The following TMEM132B variants were observed in gnomAD, a reference collection of about 807,000 sequenced individuals.
The protein encoded by TMEM132B is transmembrane protein 132B.
A neutral mutation model predicts 90.8 loss-of-function variants in TMEM132B; 18 were observed. The ratio of observed to expected loss-of-function variants is 0.20; its 90% CI spans 0.14 to 0.29. The LOEUF is 0.29. TMEM132B is among the 10% of genes least tolerant of loss of function. The pLI, the probability that TMEM132B is intolerant of heterozygous loss-of-function variation, is 1.00. For missense variants in TMEM132B, 1,096 were observed against 1,326.8 expected (o/e 0.83, Z 2.70); for synonymous variants, 504 against 523.3 (o/e 0.96, Z 0.50).
intron 4 of TMEM132B, among the ~76,000 whole-genome samples, chr12:125,529,742 A>G (rs767995623): frequency 7.9e-5 from 12 of 152,228 alleles, no homozygotes; most frequent in South Asian, 2.1e-4. Context: ...GGAGCAGTCT[A>G]TGTCTTGTCT....
At chr12:125,589,315 T>C (rs1885258954) in intron 5 of TMEM132B, among the ~76,000 whole-genome samples, 1 of 151,742 alleles carries the variant, frequency 6.6e-6, no homozygotes, top group Non-Finnish European at 1.5e-5. Flanking sequence ...ACCCTGTCTC[T>C]ACTAAAAATA....
At chr12:125,623,711 A>G (rs1266418306) in intron 5 of TMEM132B, among the ~76,000 whole-genome samples, 1 of 152,194 alleles carries the variant, frequency 6.6e-6, no homozygotes, top group Non-Finnish European at 1.5e-5. Context: ...TATTTTGCAG[A>G]TGAGTCAGTC....
chr12:125,379,836 G>A (rs750296942), intron 2 of TMEM132B, among the ~76,000 whole-genome samples: 1 of 152,174 alleles, frequency 6.6e-6, no homozygotes, highest in South Asian at 2.1e-4. Context: ...ATGAAGCAAG[G>A]ACATTTCCAA....
At position 125,350,303 on chromosome 12, in the gene TMEM132B, T is replaced by G. The variant is rs745972126; in HGVS notation, c.919T>G (p.Ser307Ala). 5.0e-6 allele frequency: 8 copies of G among 1,613,604 alleles called. No individual in the cohort carries two copies. The South Asian group carries it at 8.8e-5, about 18-fold the overall frequency. The part of the protein sequence containing the change: ...REGDTATFLV[S>A]LTSSSVADQF... Reference sequence around the variant, plus strand: ...AGGGGACACGGCCACCTTTTTGGTCTCTCTGACCAGTAGCTCTGTGGCAGA... The same window carrying G: ...AGGGGACACGGCCACCTTTTTGGTCGCTCTGACCAGTAGCTCTGTGGCAGA... The change falls in exon 2 of 9, where the codon TCT becomes GCT. Residue 307 changes from serine to alanine, a missense_variant. Coordinates refer to ENST00000682704, the MANE Select transcript of TMEM132B (RefSeq NM_001366854.1).
Position 125,505,178 on chromosome 12 carries a change from A to AC in TMEM132B, c.1107-14261_1107-14260insC, listed in dbSNP as rs1169297331. ...ACACACCAGAGGACAAAAAAAAAAA[A>AC]AAAAAAAAAAAAAAAAACAGTAAGT... On this transcript the variant is annotated intron_variant, in intron 3 of 8. Coordinates refer to ENST00000682704, the MANE Select transcript of TMEM132B (RefSeq NM_001366854.1). Among the ~76,000 whole-genome samples the AC allele has an allele frequency of 5.9e-4, 84 of 141,258 alleles. 2 individuals are homozygous for AC. The highest frequency in any genetic ancestry group is 9.1e-4 in the Admixed American group (12 of 13,224). 92.7% of individuals were successfully genotyped at this position (141,258 alleles called of 152,430 possible).
intron 1 of TMEM132B, among the ~76,000 whole-genome samples, chr12:125,282,030 A>G (rs1159821799): frequency 2.2e-5 from 1 of 44,894 alleles, no homozygotes; most frequent in African/African-American, 1.2e-4. Context: ...TCCGTCTCAA[A>G]AAAAAAAAAA....
chr12:125,244,788 G>A (rs1054664889), intron 1 of TMEM132B, among the ~76,000 whole-genome samples: 4 of 152,162 alleles, frequency 2.6e-5, no homozygotes, highest in South Asian at 2.1e-4. Context: ...GTTGCAGGAT[G>A]GCTTTACTAT....
At chr12:125,319,600 C>T (rs576302387) in intron 1 of TMEM132B, among the ~76,000 whole-genome samples, 1 of 152,226 alleles carries the variant, frequency 6.6e-6, no homozygotes, top group Non-Finnish European at 1.5e-5. Context: ...CACTGACTCT[C>T]TGGTTCCCCT....
chr12:125,525,652 T>C (rs12814129), intron 4 of TMEM132B, among the ~76,000 whole-genome samples: 36,558 of 152,142 alleles, frequency 0.24, 4,688 homozygotes, highest in African/African-American at 0.27. Flanking sequence ...TTGTTGTAGC[T>C]GGACAGAAGA....
chr12:125,231,264 A>G (rs1165269140), intron 1 of TMEM132B, among the ~76,000 whole-genome samples: 1 of 151,720 alleles, frequency 6.6e-6, no homozygotes, highest in Non-Finnish European at 1.5e-5. Flanking sequence ...TCCTCTTCTC[A>G]TAAGGACCCC....
intron 3 of TMEM132B, among the ~76,000 whole-genome samples, chr12:125,503,427 G>C (rs1248577997): frequency 6.6e-6 from 1 of 152,200 alleles, no homozygotes; most frequent in Non-Finnish European, 1.5e-5. Flanking sequence ...CCAATTAGTG[G>C]TCTTTTTTCT....
intron 5 of TMEM132B, among the ~76,000 whole-genome samples, chr12:125,623,767 C>T (rs534680701): frequency 1.3e-5 from 2 of 152,336 alleles, no homozygotes; most frequent in South Asian, 2.1e-4. Context: ...CTCTCTGACT[C>T]ACTTTGTGTC....
rs1244447974 is a variant in TMEM132B at position 125,492,912 on chromosome 12, T to C, written c.1107-26527T>C. Among the ~76,000 whole-genome samples, 2 of 152,152 alleles carry C rather than the reference T, an allele frequency of 1.3e-5. No individual in the cohort carries two copies. Among genetic ancestry groups the C allele is most frequent in the East Asian group, 1.9e-4 (1 of 5,178 alleles). On this transcript the variant is annotated intron_variant, in intron 3 of 8. Transcript: ENST00000682704. This position sits in a 1 kb window ranked among gnomAD's most constrained non-coding sequence, Gnocchi z 5.8. The stretch of plus-strand genomic sequence containing the variant: ...GGAGATGAAAATAAACCCGTGAAGA[T>C]AGATAACTATCTAAGGACGAATGGC...
chr12:125,495,012 C>T (rs1463757882), intron 3 of TMEM132B, among the ~76,000 whole-genome samples: 10 of 117,564 alleles, frequency 8.5e-5, no homozygotes, highest in Admixed American at 1.6e-4. Context: ...CCTCCCTCTC[C>T]TCCCTGGAAG....
intron 1 of TMEM132B, among the ~76,000 whole-genome samples, chr12:125,280,749 A>G (rs1438649855): frequency 1.3e-5 from 2 of 152,256 alleles, no homozygotes; most frequent in Non-Finnish European, 2.9e-5. Flanking sequence ...CAGGGCAGAT[A>G]GTACAACTCT....
chr12:125,267,944 C>T (rs1329372027), intron 1 of TMEM132B, among the ~76,000 whole-genome samples: 2 of 152,116 alleles, frequency 1.3e-5, no homozygotes, highest in Non-Finnish European at 2.9e-5. Flanking sequence ...GCTCTCTACT[C>T]TAAAGGCTGC....
chr12:125,365,255 G>A (rs2136258801), intron 2 of TMEM132B, among the ~76,000 whole-genome samples: 1 of 151,794 alleles, frequency 6.6e-6, no homozygotes, highest in South Asian at 2.1e-4. Flanking sequence ...CCATATACAT[G>A]CTTAACTTTT....
chr12:125,577,461 A>G (rs1374875457), intron 4 of TMEM132B, among the ~76,000 whole-genome samples: 2 of 150,708 alleles, frequency 1.3e-5, no homozygotes, highest in African/African-American at 4.8e-5. Flanking sequence ...ATTATATGTC[A>G]TTTATTATTT....
intron 3 of TMEM132B, among the ~76,000 whole-genome samples, chr12:125,516,750 C>T (rs1377838483): frequency 6.6e-6 from 1 of 152,208 alleles, no homozygotes; most frequent in African/African-American, 2.4e-5. Context: ...GCTTCCCTGG[C>T]ATTAGCTTCT....
Sources: gnomAD v4.1 joint callset for allele counts (sites outside exome capture counted in the v4.1 genomes callset) on GRCh38, gnomAD v4.1.1 for gene constraint, Gnocchi (gnomAD v3.1) non-coding constraint, MANE v1.5 for transcripts, NCBI Gene and HGNC (gene_info 2026-07-23, HGNC 2026-07-21) for gene names.